SPAG16: variants seen among roughly 807,000 people sequenced by gnomAD.
SPAG16 encodes the protein sperm-associated antigen 16 protein.
A neutral mutation model predicts 80.4 loss-of-function variants in SPAG16; 86 were observed. The observed-to-expected ratio is 1.07, with a 90% confidence interval of 0.90 to 1.28. The LOEUF (loss-of-function observed/expected upper bound fraction) is 1.28. SPAG16 is among the 50% of genes most tolerant of loss of function. The pLI is 0.00. For synonymous variants in SPAG16, 294 were observed against 265.9 expected, an observed-to-expected ratio of 1.11 and a Z score of -1.03; for missense variants, 870 against 765.3, an observed-to-expected ratio of 1.14 and a Z score of -1.61.
intron 15 of SPAG16, among the ~76,000 whole-genome samples, chr2:214,365,871 G>C (rs950056251): frequency 7.2e-5 from 11 of 151,830 alleles, no homozygotes; most frequent in African/African-American, 2.7e-4. Context: ...CCTTGATAAA[G>C]CACCAATAAA....
intron 10 of SPAG16, among the ~76,000 whole-genome samples, chr2:213,711,658 T>A (rs937931269): frequency 6.6e-6 from 1 of 151,912 alleles, no homozygotes; most frequent in African/African-American, 2.4e-5. Flanking sequence ...TAGCTGAGAT[T>A]ACAGGTGTGC....
Position 213,429,595 on chromosome 2 carries a change from T to C in SPAG16, c.942+54476T>C, listed in dbSNP as rs532213544. Among the ~76,000 whole-genome samples, 3 of 152,306 alleles carry C rather than the reference T, an allele frequency of 2.0e-5. No individual in the cohort carries two copies. The South Asian group carries it at 6.2e-4, about 32-fold the overall frequency. Reference sequence around the variant, plus strand: ...AAGTGCATAGCATTTGGAAACAAGATAAGTTTCACATAACATTTGCTACCA... The same window carrying C: ...AAGTGCATAGCATTTGGAAACAAGACAAGTTTCACATAACATTTGCTACCA... On this transcript the variant is annotated intron_variant, in intron 9 of 15. Transcript: ENST00000331683.
At chr2:213,383,289 A>C (rs1031400035) in intron 9 of SPAG16, among the ~76,000 whole-genome samples, 2 of 152,170 alleles carry the variant, frequency 1.3e-5, no homozygotes, top group African/African-American at 4.8e-5. Context: ...ATTATTATAG[A>C]AATATATCCC....
chr2:213,931,196 C>G (rs2078736797), intron 12 of SPAG16, among the ~76,000 whole-genome samples: 1 of 152,160 alleles, frequency 6.6e-6, no homozygotes, highest in Non-Finnish European at 1.5e-5. Context: ...AGTTCCGTTT[C>G]CTGACAAGTC....
intron 8 of SPAG16, 140 bp from the exon 9 acceptor site, chr2:213,374,870 T>G: frequency 1.7e-6 from 1 of 598,600 alleles, no homozygotes; most frequent in East Asian, 3.0e-5. Context: ...AAGCATTTGG[T>G]ATGGTTTGGG....
intron 11 of SPAG16, among the ~76,000 whole-genome samples, chr2:213,887,011 AT>A (rs1365937846): frequency 2.0e-5 from 3 of 151,914 alleles, no homozygotes; most frequent in East Asian, 1.9e-4. Flanking sequence ...GAAATATAAG[AT>A]TTTTTTTCTA....
intron 15 of SPAG16, among the ~76,000 whole-genome samples, chr2:214,342,059 A>G (rs2126032522): frequency 9.2e-6 from 1 of 108,114 alleles, no homozygotes; most frequent in Non-Finnish European, 2.6e-5. Context: ...GAGAAACTCC[A>G]AGAAAAAAAA....
intron 13 of SPAG16, among the ~76,000 whole-genome samples, chr2:214,104,732 A>G (rs755960065): frequency 8.5e-5 from 13 of 152,234 alleles, no homozygotes; most frequent in Non-Finnish European, 1.8e-4. Flanking sequence ...TTTGCTTATT[A>G]TGTCTGACGT....
At chr2:213,505,614 G>GT (rs1451528261) in intron 10 of SPAG16, among the ~76,000 whole-genome samples, 1 of 152,050 alleles carries the variant, frequency 6.6e-6, no homozygotes, top group Non-Finnish European at 1.5e-5. Context: ...TGGCAGCTTT[G>GT]TATTTAGAGA....
At chr2:214,015,426 C>G (rs1256169535) in intron 13 of SPAG16, among the ~76,000 whole-genome samples, 1 of 151,928 alleles carries the variant, frequency 6.6e-6, no homozygotes, top group African/African-American at 2.4e-5. Context: ...TGGTGAAACC[C>G]CATCTCTACT....
intron 10 of SPAG16, among the ~76,000 whole-genome samples, chr2:213,859,520 A>C (rs777940866): frequency 6.6e-6 from 1 of 152,188 alleles, no homozygotes; most frequent in Non-Finnish European, 1.5e-5. Flanking sequence ...ATAATGACTA[A>C]ATGACTTAAG....
At chr2:214,139,108 A>G (rs756253108) in intron 14 of SPAG16, among the ~76,000 whole-genome samples, 3 of 152,078 alleles carry the variant, frequency 2.0e-5, no homozygotes, top group Non-Finnish European at 4.4e-5. Context: ...TCATTTCAAG[A>G]GCAATATTTG....
In SPAG16 at chr2:213,427,418, C is replaced by A. The variant is rs1003401802; in HGVS notation, c.942+52299C>A. On this transcript the variant is annotated intron_variant, in intron 9 of 15. Coordinates refer to ENST00000331683, the MANE Select transcript of SPAG16 (RefSeq NM_024532.5). Reference sequence around the variant, plus strand: ...TAGAAGATAATTTCATATACTTTGCCTGTAAATTTAAAAATTAGTAACTGG... The same window carrying A: ...TAGAAGATAATTTCATATACTTTGCATGTAAATTTAAAAATTAGTAACTGG... Among the ~76,000 whole-genome samples the A allele has an allele frequency of 2.6e-5, 4 of 152,192 alleles. No individual in the cohort carries two copies. In the South Asian group the frequency reaches 8.3e-4, roughly 32 times the overall value.
chr2:213,739,379 C>A lies in SPAG16; in HGVS notation c.1071-123106C>A, dbSNP rs568006644. On this transcript the variant is annotated intron_variant, in intron 10 of 15. Transcript: ENST00000331683. Reference sequence around the variant, plus strand: ...AGGATAAATATTCATTGAATAAATTCTCAAATGCACATCTGTTACCTTTGA... The same window carrying A: ...AGGATAAATATTCATTGAATAAATTATCAAATGCACATCTGTTACCTTTGA... 7.9e-5 allele frequency among the ~76,000 whole-genome samples: 12 copies of A among 152,238 alleles called. 1 individual carries two copies. Among genetic ancestry groups the A allele is most frequent in the East Asian group, 5.8e-4 (3 of 5,188 alleles).
At chr2:214,391,411 A>G (rs1701074143) in intron 15 of SPAG16, among the ~76,000 whole-genome samples, 1 of 152,224 alleles carries the variant, frequency 6.6e-6, no homozygotes, top group Non-Finnish European at 1.5e-5. Flanking sequence ...CTATATTCCT[A>G]AAACTTAGAT....
intron 10 of SPAG16, among the ~76,000 whole-genome samples, chr2:213,772,989 CT>C (rs1036924821): frequency 2.4e-4 from 36 of 149,314 alleles, no homozygotes; most frequent in Admixed American, 1.0e-3. Context: ...TTTACTTATT[CT>C]TTTTTTTTCA....
At chr2:213,449,352 A>G (rs890067707) in intron 9 of SPAG16, among the ~76,000 whole-genome samples, 46 of 152,316 alleles carry the variant, frequency 3.0e-4, no homozygotes, top group African/African-American at 1.1e-3. Context: ...TTCCCTCAGA[A>G]GCATGTGATC....
chr2:213,889,312 G>A (rs2106068854), intron 11 of SPAG16, among the ~76,000 whole-genome samples: 1 of 151,692 alleles, frequency 6.6e-6, no homozygotes, highest in African/African-American at 2.4e-5. Flanking sequence ...ATGTAAAAAT[G>A]TTCTCAATAT....
At chr2:213,825,701 CTTTTT>C (rs55777958) in intron 10 of SPAG16, among the ~76,000 whole-genome samples, 23,321 of 109,936 alleles carry the variant, frequency 0.21, 1,797 homozygotes, top group South Asian at 0.35. Context: ...TTCTTTCTTT[CTTTTT>C]TTTTTTTTTT....
Sources: gnomAD v4.1 joint callset for allele counts (sites outside exome capture counted in the v4.1 genomes callset) on GRCh38, gnomAD v4.1.1 for gene constraint, MANE v1.5 for transcripts, NCBI Gene and HGNC (gene_info 2026-07-23, HGNC 2026-07-21) for gene names.